The following OSBPL10 variants were observed in gnomAD, a reference collection of about 807,000 sequenced individuals.
OSBPL10 encodes oxysterol-binding protein-related protein 10.
Under a neutral mutation model 81.7 loss-of-function variants are expected in OSBPL10, and 49 were observed. That is an observed-to-expected ratio of 0.60 (90% CI 0.48 to 0.76). The LOEUF (loss-of-function observed/expected upper bound fraction) is 0.76, where lower values mean the gene tolerates loss of function less well. Among genes scored for constraint, OSBPL10 ranks in the 30% least tolerant of loss-of-function variants. The probability of loss-of-function intolerance (pLI) is 0.00; values close to 1 mark genes in which losing one functional copy is unlikely to be tolerated. For synonymous variants in OSBPL10, 419 were observed against 383.6 expected, an observed-to-expected ratio of 1.09 and a Z score of -1.08; for missense variants, 923 against 987.8, an observed-to-expected ratio of 0.93 and a Z score of 0.88.
At chr3:31,873,768 A>C (rs182056487) in intron 3 of OSBPL10, among the ~76,000 whole-genome samples, 20 of 152,336 alleles carry the variant, frequency 1.3e-4, no homozygotes, top group African/African-American at 4.6e-4. Context: ...AAGCAGCAGT[A>C]CTATAGTTAA....
At chr3:31,827,915 A>G (rs1470129867) in intron 4 of OSBPL10, among the ~76,000 whole-genome samples, 1 of 152,218 alleles carries the variant, frequency 6.6e-6, no homozygotes, top group Non-Finnish European at 1.5e-5. Context: ...AAGGTAGAAA[A>G]CATTCTGTTG....
intron 4 of OSBPL10, among the ~76,000 whole-genome samples, chr3:31,753,759 C>T (rs574261599): frequency 6.6e-6 from 1 of 152,170 alleles, no homozygotes; most frequent in South Asian, 2.1e-4. Context: ...TAATTCTGAA[C>T]TGTTAAATCT....
At position 31,664,184 on chromosome 3, in the gene OSBPL10, G is replaced by A. The variant is rs762657773; in HGVS notation, c.2145C>T (p.Asp715=). 1.1e-5 allele frequency: 17 copies of A among 1,613,038 alleles called. No individual in the cohort carries two copies. Among genetic ancestry groups the A allele is most frequent in the East Asian group, 4.5e-5 (2 of 44,856 alleles). Residue 715 remains aspartate, a synonymous_variant, in exon 11 of 12, where the codon GAC becomes GAT. Coordinates refer to ENST00000396556, the MANE Select transcript of OSBPL10 (RefSeq NM_017784.5). ...GGTGCCGCTTCTGCTCGGTGGCTGCGTCAATGTCCCCCAGCCGCAGGTATC... is the reference window on the plus strand; with the variant it reads ...GGTGCCGCTTCTGCTCGGTGGCTGCATCAATGTCCCCCAGCCGCAGGTATC... ...VTRYLRLGDI[D]AATEQKRHLE...
chr3:32,006,235 C>T (rs6793776), intron 2 of OSBPL10, among the ~76,000 whole-genome samples: 2,695 of 152,208 alleles, frequency 0.018, 83 homozygotes, highest in African/African-American at 0.061. Flanking sequence ...CGTGAGCCAC[C>T]GCACCCCTCC....
intron 4 of OSBPL10, among the ~76,000 whole-genome samples, chr3:31,757,239 G>A (rs1697914736): frequency 6.6e-6 from 1 of 152,110 alleles, no homozygotes; most frequent in Non-Finnish European, 1.5e-5. Context: ...TCTCTATAAA[G>A]GGAATCAAGA....
chr3:31,862,789 A>T (rs1701091848), intron 3 of OSBPL10, among the ~76,000 whole-genome samples: 1 of 152,180 alleles, frequency 6.6e-6, no homozygotes, highest in South Asian at 2.1e-4. Flanking sequence ...AAGGATATGG[A>T]AAAATTGGAA....
At chr3:31,820,974 T>G (rs1293320649) in intron 4 of OSBPL10, among the ~76,000 whole-genome samples, 1 of 152,118 alleles carries the variant, frequency 6.6e-6, no homozygotes. Flanking sequence ...CAAAAACACC[T>G]TTAGATGGAG....
chr3:32,074,802 G>A (rs1373398919), intron 1 of OSBPL10, among the ~76,000 whole-genome samples: 3 of 152,172 alleles, frequency 2.0e-5, no homozygotes, highest in Admixed American at 1.3e-4. Flanking sequence ...TGGGGTGCAG[G>A]ATTCCTCTTT....
chr3:31,817,856 A>G (rs973253399), intron 4 of OSBPL10, among the ~76,000 whole-genome samples: 8 of 152,172 alleles, frequency 5.3e-5, no homozygotes, highest in African/African-American at 1.9e-4. Flanking sequence ...TGTAATCCCA[A>G]CACTTTAGGA....
chr3:31,706,245 T>C (rs1217459103), intron 6 of OSBPL10, among the ~76,000 whole-genome samples: 4 of 152,212 alleles, frequency 2.6e-5, no homozygotes, highest in African/African-American at 4.8e-5. Flanking sequence ...CAGTGACCTG[T>C]GCCCGGAGCA....
chr3:31,946,291 T>C (rs568041586), intron 1 of OSBPL10, among the ~76,000 whole-genome samples: 113 of 152,190 alleles, frequency 7.4e-4, no homozygotes, highest in South Asian at 7.3e-3. Flanking sequence ...CTACTAAGTT[T>C]TTTAATGAAA....
At chr3:31,824,332 G>A (rs1009229649) in intron 4 of OSBPL10, among the ~76,000 whole-genome samples, 5 of 152,118 alleles carry the variant, frequency 3.3e-5, no homozygotes, top group Non-Finnish European at 5.9e-5. Context: ...ATCTAGTACT[G>A]CCATCAATTG....
At chr3:32,047,756 G>A (rs891490588) in intron 1 of OSBPL10, among the ~76,000 whole-genome samples, 4 of 151,382 alleles carry the variant, frequency 2.6e-5, no homozygotes, top group Admixed American at 6.6e-5. Flanking sequence ...TCCGCCTCCC[G>A]GGTTCACACC....
rs186008061 is a variant in OSBPL10 at position 31,965,924 on chromosome 3, A to T, written c.281+14975T>A. ...TATTATATAAAATAGATAATATATA[A>T]TATATATTATATAAAATAGATAATA... On this transcript the variant is annotated intron_variant, in intron 1 of 11. Transcript: ENST00000396556. 2.5e-3 allele frequency among the ~76,000 whole-genome samples: 281 copies of T among 114,312 alleles called. 9 individuals are homozygous for T. Among genetic ancestry groups the T allele is most frequent in the South Asian group, 6.0e-3 (24 of 3,988 alleles). 75.0% of individuals were successfully genotyped at this position (114,312 alleles called of 152,430 possible). A position where few individuals can be genotyped will look rare whatever the true frequency, so the allele number is the denominator to read the frequency against.
chr3:31,885,995 C>CAAAAAAA (rs397957994), intron 1 of OSBPL10, among the ~76,000 whole-genome samples: 4 of 62,494 alleles, frequency 6.4e-5, no homozygotes, highest in South Asian at 9.7e-4. Flanking sequence ...AACTCCATCT[C>CAAAAAAA]AAAAAAAAAA....
chr3:32,044,259 G>T (rs1163951511), intron 2 of OSBPL10, among the ~76,000 whole-genome samples: 1 of 151,546 alleles, frequency 6.6e-6, no homozygotes, highest in Non-Finnish European at 1.5e-5. Context: ...TAAATTTTGT[G>T]TTCCAAATCT....
At chr3:31,908,967 C>CT (rs139060733) in intron 1 of OSBPL10, among the ~76,000 whole-genome samples, 3,591 of 152,306 alleles carry the variant, frequency 0.024, 146 homozygotes, top group African/African-American at 0.081. Flanking sequence ...CAAGGGCCTT[C>CT]TGAAACCATT....
chr3:31,751,006 T>A (rs1256658891), intron 4 of OSBPL10, among the ~76,000 whole-genome samples: 2 of 151,770 alleles, frequency 1.3e-5, no homozygotes, highest in Non-Finnish European at 2.9e-5. Context: ...ACATACTAGC[T>A]CTCTAAAAAA....
At chr3:32,026,057 T>TAGATAGATAGATGATA (rs58717718) in intron 2 of OSBPL10, among the ~76,000 whole-genome samples, 123 of 111,338 alleles carry the variant, frequency 1.1e-3, no homozygotes, top group African/African-American at 2.0e-3. Flanking sequence ...GATAGATAGA[T>TAGATAGATAGATGATA]GATAGATAGA....
Sources: allele counts gnomAD v4.1 joint callset (sites outside exome capture counted in the v4.1 genomes callset), GRCh38; gene constraint gnomAD v4.1.1; transcripts MANE v1.5; gene names NCBI Gene and HGNC (gene_info 2026-07-23, HGNC 2026-07-21).